IL1RAPL2: variants seen among roughly 807,000 people sequenced by gnomAD.
IL1RAPL2 encodes X-linked interleukin-1 receptor accessory protein-like 2.
In IL1RAPL2, 3 loss-of-function variants were observed where a neutral mutation model predicts 44.1. The ratio of observed to expected loss-of-function variants is 0.07; its 90% CI spans 0.03 to 0.18. IL1RAPL2 has a LOEUF of 0.18. Ranked by LOEUF, IL1RAPL2 falls within the 10% of genes least tolerant of loss-of-function variation. IL1RAPL2 has a pLI of 1.00. For missense variants in IL1RAPL2, 391 were observed against 496.4 expected, an observed-to-expected ratio of 0.79 and a Z score of 2.02; for synonymous variants, 181 against 178.8, an observed-to-expected ratio of 1.01 and a Z score of -0.10.
intron 2 of IL1RAPL2, among the ~76,000 whole-genome samples, chrX:104,724,754 T>G (rs1375829629): frequency 9.0e-6 from 1 of 111,402 alleles, no homozygotes; most frequent in Non-Finnish European, 1.9e-5. Flanking sequence ...GCAATGCAAT[T>G]TTCCCAACAC....
chrX:104,912,296 A>G (rs1361519204), intron 2 of IL1RAPL2, among the ~76,000 whole-genome samples: 1 of 110,396 alleles, frequency 9.1e-6, no homozygotes, highest in Non-Finnish European at 1.9e-5. Flanking sequence ...ACTGAAGCCC[A>G]GGGAAGGAAT....
chrX:105,553,216 A>G (rs2036871657), intron 6 of IL1RAPL2, among the ~76,000 whole-genome samples: 2 of 111,778 alleles, frequency 1.8e-5, no homozygotes, highest in Admixed American at 9.5e-5. Flanking sequence ...ATAGAAAAAC[A>G]TGGCCCAAAG....
intron 1 of IL1RAPL2, among the ~76,000 whole-genome samples, chrX:104,637,816 G>T (rs756265797): frequency 9.1e-6 from 1 of 109,482 alleles, no homozygotes; most frequent in African/African-American, 3.3e-5. Flanking sequence ...GTGTGTGTGT[G>T]TGTGTGTCTG....
At chrX:105,520,626 A>C (rs1466939442) in intron 6 of IL1RAPL2, among the ~76,000 whole-genome samples, 1 of 111,383 alleles carries the variant, frequency 9.0e-6, no homozygotes, top group Non-Finnish European at 1.9e-5. Context: ...AATTTCAAAA[A>C]TTCTTCATTT....
chrX:105,312,355 C>A (rs2034804634), intron 5 of IL1RAPL2, among the ~76,000 whole-genome samples: 2 of 111,667 alleles, frequency 1.8e-5, no homozygotes, highest in Admixed American at 1.9e-4. Flanking sequence ...GTTAAAGATA[C>A]CTGTGAATTA....
intron 5 of IL1RAPL2, among the ~76,000 whole-genome samples, chrX:105,440,150 G>A (rs927620934): frequency 5.4e-5 from 6 of 112,058 alleles, no homozygotes; most frequent in African/African-American, 1.6e-4. Flanking sequence ...GACCTTGGGA[G>A]TCTTTAGTCA....
chrX:105,617,077 C>G (rs2037382898), intron 6 of IL1RAPL2, among the ~76,000 whole-genome samples: 1 of 110,303 alleles, frequency 9.1e-6, no homozygotes, highest in Admixed American at 9.8e-5. Context: ...AACATACATA[C>G]AATACTTAAT....
chrX:105,022,342 T>C (rs1335770808), intron 2 of IL1RAPL2, among the ~76,000 whole-genome samples: 1 of 111,149 alleles, frequency 9.0e-6, no homozygotes, highest in African/African-American at 3.3e-5. Context: ...TCAGAGAAAA[T>C]AAAGAAGAAT....
chrX:105,216,139 G>T (rs1012349505), intron 3 of IL1RAPL2, among the ~76,000 whole-genome samples: 1 of 110,966 alleles, frequency 9.0e-6, no homozygotes, highest in Admixed American at 9.7e-5. Flanking sequence ...GAAATGAAGC[G>T]CATTCTAATA....
At chrX:104,794,089 G>A (rs1476762386) in intron 2 of IL1RAPL2, among the ~76,000 whole-genome samples, 2 of 112,070 alleles carry the variant, frequency 1.8e-5, no homozygotes, top group African/African-American at 3.2e-5. Context: ...AGCTCAAAAA[G>A]TATTAGAGGA....
At chrX:104,909,416 T>C (rs189561129) in intron 2 of IL1RAPL2, among the ~76,000 whole-genome samples, 2,004 of 111,986 alleles carry the variant, frequency 0.018, 14 homozygotes, top group Non-Finnish European at 0.029. Context: ...GGAGGAGAGG[T>C]GCTCTGCTTT....
At chrX:105,201,725 T>C (rs1480750031) in intron 3 of IL1RAPL2, among the ~76,000 whole-genome samples, 1 of 111,947 alleles carries the variant, frequency 8.9e-6, no homozygotes, top group Non-Finnish European at 1.9e-5. Context: ...ACAGTGAACA[T>C]ATCTCATAAT....
intron 2 of IL1RAPL2, among the ~76,000 whole-genome samples, chrX:105,182,477 T>C (rs782044524): frequency 8.9e-6 from 1 of 112,249 alleles, no homozygotes; most frequent in South Asian, 3.7e-4. Flanking sequence ...GGTTTCTGTT[T>C]GCATGGAATA....
intron 5 of IL1RAPL2, among the ~76,000 whole-genome samples, chrX:105,311,533 T>C (rs2034796401): frequency 9.2e-6 from 1 of 108,564 alleles, no homozygotes; most frequent in African/African-American, 3.3e-5. Flanking sequence ...TTTCTACTTA[T>C]AAAATATGGA....
intron 5 of IL1RAPL2, among the ~76,000 whole-genome samples, chrX:105,429,227 T>C (rs1449970491): frequency 9.0e-6 from 1 of 111,680 alleles, no homozygotes; most frequent in African/African-American, 3.2e-5. Context: ...AGCTTCAAGT[T>C]CTTAATAAGT....
intron 5 of IL1RAPL2, among the ~76,000 whole-genome samples, chrX:105,305,270 T>A (rs1253581081): frequency 1.8e-5 from 2 of 111,169 alleles, no homozygotes; most frequent in Admixed American, 1.9e-4. Context: ...AACACAGTAC[T>A]CATAGTTAAC....
At chrX:105,187,724 G>A (rs782688129) in intron 2 of IL1RAPL2, among the ~76,000 whole-genome samples, 23 of 111,688 alleles carry the variant, frequency 2.1e-4, no homozygotes, top group Non-Finnish European at 3.8e-4. Flanking sequence ...TTACAGGGGT[G>A]GAAAGTGAGG....
Position 105,661,701 on chromosome X carries a change from A to T in IL1RAPL2, c.773-55666A>T, listed in dbSNP as rs151055783. 9.4e-3 allele frequency among the ~76,000 whole-genome samples: 1,058 copies of T among 112,068 alleles called. 6 individuals are homozygous for T. The highest frequency in any genetic ancestry group is 0.014 in the Non-Finnish European group (753 of 53,125). ...AGCTGTCTAATACTTATCAGTTTCT[A>T]ATTTCTGTCCGCTGATTCACAGAGT... On this transcript the variant is annotated intron_variant, in intron 6 of 10. Transcript: ENST00000372582.
chrX:105,220,467 C>T, intron 3 of IL1RAPL2: 14 of 946,987 alleles, frequency 1.5e-5, no homozygotes, highest in Non-Finnish European at 1.6e-5. Flanking sequence ...CCTTTCCTCC[C>T]CCTTAGCCCC....
Sources: gnomAD v4.1 joint callset for allele counts (sites outside exome capture counted in the v4.1 genomes callset) on GRCh38, gnomAD v4.1.1 for gene constraint, MANE v1.5 for transcripts, NCBI Gene and HGNC (gene_info 2026-07-23, HGNC 2026-07-21) for gene names.